Variants in AAK1 observed in about 807,000 individuals in gnomAD.
AAK1 encodes AP2 associated kinase 1.
In AAK1, 37 loss-of-function variants were observed where a neutral mutation model predicts 116.0. The ratio of observed to expected loss-of-function variants is 0.32; its 90% CI spans 0.25 to 0.42. The LOEUF is 0.42. Ranked by LOEUF, AAK1 falls within the 10% of genes least tolerant of loss-of-function variation. AAK1 has a pLI of 1.00. For synonymous variants in AAK1, 458 were observed against 439.9 expected (o/e 1.04, Z -0.51); for missense variants, 919 against 1,170.6 (o/e 0.79, Z 3.14).
intron 10 of AAK1, among the ~76,000 whole-genome samples, chr2:69,523,043 G>GA (rs1469118925): frequency 6.6e-6 from 1 of 152,192 alleles, no homozygotes; most frequent in Non-Finnish European, 1.5e-5. Flanking sequence ...GTGTAAAAGG[G>GA]AAAAACATAT....
intron 2 of AAK1, among the ~76,000 whole-genome samples, chr2:69,572,662 T>C: frequency 6.6e-6 from 1 of 151,190 alleles, no homozygotes; most frequent in Non-Finnish European, 1.5e-5. Flanking sequence ...ATATTCTTTA[T>C]CTTGATTACT....
At chr2:69,585,961 T>C (rs917600952) in intron 2 of AAK1, among the ~76,000 whole-genome samples, 7 of 152,212 alleles carry the variant, frequency 4.6e-5, no homozygotes, top group East Asian at 1.9e-4. Context: ...GGCAAACAAC[T>C]CTTCCCTCCA....
In AAK1 at chr2:69,495,934, T is replaced by C. The variant is rs1222496230; in HGVS notation, c.2365+51A>G. The C allele has an allele frequency of 2.1e-6, 3 of 1,461,882 alleles. No homozygotes were observed. The East Asian group carries it at 7.5e-5, about 36-fold the overall frequency. The allele number at this position is 1,461,882 out of a possible 1,614,324, so 90.6% of individuals were successfully genotyped here. A position where few individuals can be genotyped will look rare whatever the true frequency, so the allele number is the denominator to read the frequency against. The stretch of plus-strand genomic sequence containing the variant: ...TTAAGGCAGAACTTTCTACAAGGCC[T>C]GGGACATGCAAATCAAGCTGCTTAA... On this transcript the variant is annotated intron_variant, in intron 17 of 21. Coordinates refer to ENST00000409085, the MANE Select transcript of AAK1 (RefSeq NM_014911.5).
At chr2:69,508,950 G>C (rs1676289620) in intron 14 of AAK1, among the ~76,000 whole-genome samples, 1 of 152,220 alleles carries the variant, frequency 6.6e-6, no homozygotes, top group African/African-American at 2.4e-5. Flanking sequence ...GCATGGAACA[G>C]GTGAGAGAAT....
At chr2:69,630,333 C>CG (rs1404671822) in intron 2 of AAK1, among the ~76,000 whole-genome samples, 26 of 14,198 alleles carry the variant, frequency 1.8e-3, no homozygotes, top group African/African-American at 5.7e-3. Flanking sequence ...CTGAGTGGGG[C>CG]GGGGGGTGGG....
intron 9 of AAK1, among the ~76,000 whole-genome samples, chr2:69,525,748 C>T (rs1456952536): frequency 3.3e-5 from 5 of 152,140 alleles, no homozygotes; most frequent in Non-Finnish European, 7.4e-5. Context: ...AACCCTAAAA[C>T]AAGTGCTTAC....
intron 2 of AAK1, among the ~76,000 whole-genome samples, chr2:69,601,028 C>T (rs11685958): frequency 6.4e-4 from 97 of 152,274 alleles, no homozygotes; most frequent in Non-Finnish European, 1.2e-3. Context: ...CAGGTATGTA[C>T]ATTTTTTAGA....
At position 69,469,414 on chromosome 2, in the gene AAK1, G is replaced by A. The variant is rs532904745; in HGVS notation, c.*6455C>T. 5.6e-5 allele frequency: 55 copies of A among 985,432 alleles called. No homozygotes were observed. Among genetic ancestry groups the A allele is most frequent in the Non-Finnish European group, 6.4e-5 (53 of 829,934 alleles). The allele number at this position is 985,432 out of a possible 1,614,324, so 61.0% of individuals were successfully genotyped here. On this transcript the variant is annotated 3_prime_UTR_variant, in exon 22 of 22. Coordinates refer to ENST00000409085, the MANE Select transcript of AAK1 (RefSeq NM_014911.5). ...AGTCTTTTTTTGAGTATGTGAATGT[G>A]TTCTTACAGGGAAAATGTGTTTTCA...
chr2:69,461,682 C>T lies in AAK1; in HGVS notation c.*14187G>A. The T allele has an allele frequency of 2.3e-6, 1 of 431,732 alleles. No individual in the cohort carries two copies. Among genetic ancestry groups the T allele is most frequent in the Non-Finnish European group, 4.6e-6 (1 of 215,772 alleles). 26.7% of individuals were successfully genotyped at this position (431,732 alleles called of 1,614,324 possible). A position where few individuals can be genotyped will look rare whatever the true frequency, so the allele number is the denominator to read the frequency against. ...CAATCTTGGCTCACTGCAAAGTCTGCCTCCCTGGGTCAAGCAATTCTGCCT... is the reference window on the plus strand; with the variant it reads ...CAATCTTGGCTCACTGCAAAGTCTGTCTCCCTGGGTCAAGCAATTCTGCCT... On this transcript the variant is annotated 3_prime_UTR_variant, in exon 22 of 22. Transcript: ENST00000409085.
At chr2:69,521,762 T>C (rs563815546) in intron 10 of AAK1, among the ~76,000 whole-genome samples, 7 of 152,188 alleles carry the variant, frequency 4.6e-5, no homozygotes, top group Non-Finnish European at 8.8e-5. Context: ...AAATAACTGG[T>C]TCAAGTCCTC....
intron 17 of AAK1, among the ~76,000 whole-genome samples, chr2:69,489,923 C>T (rs1208901890): frequency 6.6e-6 from 1 of 152,092 alleles, no homozygotes; most frequent in Non-Finnish European, 1.5e-5. Flanking sequence ...TTGGACTTCT[C>T]AGTATCACGA....
In AAK1 at chr2:69,464,617, CCT is replaced by C. The variant is rs2104857500; in HGVS notation, c.*11250_*11251del. On this transcript the variant is annotated 3_prime_UTR_variant, in exon 22 of 22. Coordinates refer to ENST00000409085, the MANE Select transcript of AAK1 (RefSeq NM_014911.5). ...GGTAGGCATGATGGGGCAGGATTTC[CCT>C]CAAGTGGAAATGCTTCCTGTGCACA... is the stretch of plus-strand genomic sequence containing the variant. 1 of 152,698 alleles carries C rather than the reference CCT, an allele frequency of 6.5e-6. No homozygotes were observed. Among genetic ancestry groups the C allele is most frequent in the African/African-American group, 2.4e-5 (1 of 41,548 alleles). The allele number at this position is 152,698 out of a possible 1,614,324, so 9.5% of individuals were successfully genotyped here.
chr2:69,519,125 T>C lies in AAK1; in HGVS notation c.1326A>G (p.Pro442=), dbSNP rs1419375070. The change falls in exon 12 of 22, where the codon CCA becomes CCG. Residue 442 remains proline (P), a synonymous_variant. Transcript: ENST00000409085. ...QAKQPQAPPT[P]QQTPSTQAQG... The stretch of plus-strand genomic sequence containing the variant: ...GGGCCTGAGTAGAAGGCGTCTGCTG[T>C]GGAGTGGGAGGAGCCTGTGGCTGCT... 1 of 1,561,584 alleles carries C rather than the reference T, an allele frequency of 6.4e-7. No homozygotes were observed. Among genetic ancestry groups the C allele is most frequent in the Non-Finnish European group, 8.7e-7 (1 of 1,152,174 alleles).
intron 2 of AAK1, among the ~76,000 whole-genome samples, chr2:69,638,600 G>A (rs1675554204): frequency 6.6e-6 from 1 of 152,132 alleles, no homozygotes. Context: ...CTTGATTCTG[G>A]GGAGGAAATG....
intron 2 of AAK1, among the ~76,000 whole-genome samples, chr2:69,557,476 AC>A: frequency 6.6e-6 from 1 of 151,794 alleles, no homozygotes; most frequent in South Asian, 2.1e-4. Context: ...TAATTTTTAT[AC>A]TTTTTTGTAG....
At chr2:69,520,250 A>G in intron 11 of AAK1, 1 of 167,486 alleles carries the variant, frequency 6.0e-6, no homozygotes, top group Non-Finnish European at 1.4e-5. Flanking sequence ...TGCAAAAATC[A>G]GGGCCAAGTC....
At chr2:69,484,903 A>G (rs1001480620) in intron 17 of AAK1, among the ~76,000 whole-genome samples, 1 of 151,484 alleles carries the variant, frequency 6.6e-6, no homozygotes, top group African/African-American at 2.4e-5. Flanking sequence ...TAAAAACATA[A>G]AAAAAAGGAA....
intron 2 of AAK1, among the ~76,000 whole-genome samples, chr2:69,609,553 G>A (rs192370952): frequency 2.4e-4 from 36 of 151,878 alleles, no homozygotes; most frequent in African/African-American, 8.7e-4. Context: ...ACGGTGGTGG[G>A]TGCCTGAGGC....
At chr2:69,577,041 T>G (rs560913985) in intron 2 of AAK1, among the ~76,000 whole-genome samples, 1 of 152,368 alleles carries the variant, frequency 6.6e-6, no homozygotes, top group Admixed American at 6.5e-5. Context: ...GATTCAGCTC[T>G]GCGCCAAGCA....
Sources: allele counts gnomAD v4.1 joint callset (sites outside exome capture counted in the v4.1 genomes callset), GRCh38; gene constraint gnomAD v4.1.1; transcripts MANE v1.5; gene names NCBI Gene and HGNC (gene_info 2026-07-23, HGNC 2026-07-21).